The following SPIDR variants were observed in gnomAD, a reference collection of about 807,000 sequenced individuals.
SPIDR encodes DNA repair-scaffolding protein.
In SPIDR, 93 loss-of-function variants were observed where a neutral mutation model predicts 104.6. That is an observed-to-expected ratio of 0.89 (90% CI 0.75 to 1.06). The LOEUF (loss-of-function observed/expected upper bound fraction) is 1.06, where lower values mean the gene tolerates loss of function less well. Among genes scored for constraint, SPIDR ranks in the 50% least tolerant of loss-of-function variants. The probability of loss-of-function intolerance (pLI) is 0.00; values close to 1 mark genes in which losing one functional copy is unlikely to be tolerated. For synonymous variants in SPIDR, 431 were observed against 416.9 expected, an observed-to-expected ratio of 1.03 and a Z score of -0.41; for missense variants, 1,154 against 1,111.2, an observed-to-expected ratio of 1.04 and a Z score of -0.55.
intron 11 of SPIDR, among the ~76,000 whole-genome samples, chr8:47,696,913 A>T (rs1032889713): frequency 2.0e-5 from 3 of 152,184 alleles, no homozygotes; most frequent in African/African-American, 7.2e-5. Context: ...GAGCAAATGC[A>T]CATCACCTGC....
At chr8:47,427,306 GTT>G (rs781864418) in intron 7 of SPIDR, among the ~76,000 whole-genome samples, 2 of 142,758 alleles carry the variant, frequency 1.4e-5, no homozygotes. Context: ...TTGGGACAGG[GTT>G]TTTTTTTTTT....
At chr8:47,520,292 C>T (rs896631651) in intron 8 of SPIDR, among the ~76,000 whole-genome samples, 3 of 152,076 alleles carry the variant, frequency 2.0e-5, no homozygotes, top group South Asian at 4.2e-4. Context: ...ATCAGTTGAA[C>T]GTGTGTAAGC....
intron 8 of SPIDR, among the ~76,000 whole-genome samples, chr8:47,553,182 G>A (rs552377838): frequency 6.6e-6 from 1 of 152,186 alleles, no homozygotes; most frequent in East Asian, 1.9e-4. Context: ...TTTCTCTCTG[G>A]CTGCCCTTAA....
chr8:47,653,467 A>G (rs956638281), intron 10 of SPIDR, among the ~76,000 whole-genome samples: 5 of 152,104 alleles, frequency 3.3e-5, no homozygotes, highest in Admixed American at 3.3e-4. Flanking sequence ...TGAGCAGTAA[A>G]CTTTCTTAGT....
intron 9 of SPIDR, 80 bp downstream of exon 9, chr8:47,596,086 A>G: frequency 7.6e-7 from 1 of 1,323,486 alleles, no homozygotes; most frequent in Non-Finnish European, 1.0e-6. Flanking sequence ...GTGTAAGTGA[A>G]GATGTTAGCC....
intron 10 of SPIDR, among the ~76,000 whole-genome samples, chr8:47,655,268 T>C (rs1159996652): frequency 6.6e-6 from 1 of 152,224 alleles, no homozygotes; most frequent in Non-Finnish European, 1.5e-5. Context: ...GGTCAAATGG[T>C]ATCTCTAGTT....
rs140232191 is a variant in SPIDR, at chr8:47,359,674, A to AT, written c.526-36701dup. On this transcript the variant is annotated intron_variant, in intron 5 of 19. Coordinates refer to ENST00000297423, the MANE Select transcript of SPIDR (RefSeq NM_001080394.4). ...GCCCTATAGAGTTTGTGATTATTCT[A>AT]TAGCGGGTAGAGAGCATCCTGTCTC... Among the ~76,000 whole-genome samples, 173 of 152,296 alleles carry AT rather than the reference A, an allele frequency of 1.1e-3. 4 individuals carry two copies. In the East Asian group the frequency reaches 0.024, roughly 21 times the overall value.
At chr8:47,279,721 G>A in intron 1 of SPIDR, 141 bp from the exon 2 acceptor site, 1 of 783,712 alleles carries the variant, frequency 1.3e-6, no homozygotes, top group South Asian at 2.0e-5. Context: ...TTTATGTGAA[G>A]ATTTAGAGAC....
intron 14 of SPIDR, among the ~76,000 whole-genome samples, chr8:47,704,221 C>A (rs1389084559): frequency 6.6e-6 from 1 of 152,186 alleles, no homozygotes; most frequent in African/African-American, 2.4e-5. Flanking sequence ...TATAAACGAA[C>A]CACATTTAGC....
chr8:47,311,066 A>T (rs1304743343), intron 5 of SPIDR, among the ~76,000 whole-genome samples: 1 of 152,188 alleles, frequency 6.6e-6, no homozygotes, highest in Non-Finnish European at 1.5e-5. Flanking sequence ...AGGTTATATA[A>T]AGAAAATATG....
chr8:47,493,875 A>G (rs1382050780), intron 8 of SPIDR, among the ~76,000 whole-genome samples: 2 of 152,168 alleles, frequency 1.3e-5, no homozygotes, highest in African/African-American at 4.8e-5. Context: ...CCCCCATCCC[A>G]AGTTAACACA....
chr8:47,675,306 G>T (rs912843743), intron 11 of SPIDR, among the ~76,000 whole-genome samples: 2 of 152,190 alleles, frequency 1.3e-5, no homozygotes, highest in Non-Finnish European at 2.9e-5. Flanking sequence ...AAAGTGCTGG[G>T]ATTACAGGCG....
chr8:47,433,713 G>T (rs1261828975), intron 7 of SPIDR, among the ~76,000 whole-genome samples: 1 of 152,176 alleles, frequency 6.6e-6, no homozygotes, highest in African/African-American at 2.4e-5. Flanking sequence ...GTCAGATATT[G>T]AATTTTGTTT....
At chr8:47,518,638 C>CTT (rs899737372) in intron 8 of SPIDR, among the ~76,000 whole-genome samples, 4 of 141,318 alleles carry the variant, frequency 2.8e-5, no homozygotes, top group Non-Finnish European at 6.2e-5. Flanking sequence ...TCTTCTGCTA[C>CTT]TTTTTTTTTT....
At chr8:47,361,062 A>T (rs899571428) in intron 5 of SPIDR, 19 of 817,910 alleles carry the variant, frequency 2.3e-5, no homozygotes, top group Middle Eastern at 1.3e-3. Flanking sequence ...TGATAAATGG[A>T]TTACATGACC....
intron 10 of SPIDR, among the ~76,000 whole-genome samples, chr8:47,615,914 AT>A (rs1454429681): frequency 1.3e-5 from 2 of 151,638 alleles, no homozygotes; most frequent in African/African-American, 4.8e-5. Flanking sequence ...CCTTATTTAC[AT>A]TTCTATTTTA....
intron 8 of SPIDR, among the ~76,000 whole-genome samples, chr8:47,493,019 GA>G (rs1564131310): frequency 0.23 from 573 of 2,528 alleles, 4 homozygotes; most frequent in South Asian, 0.46. Context: ...AGCCATTGGA[GA>G]GAGAGAGAGA....
intron 8 of SPIDR, among the ~76,000 whole-genome samples, chr8:47,509,342 C>A (rs558785707): frequency 6.7e-6 from 1 of 148,898 alleles, no homozygotes; most frequent in Non-Finnish European, 1.5e-5. Context: ...AGTGTAGTTA[C>A]GAGGTGGGTA....
At chr8:47,285,628 C>G (rs1554562621) in intron 3 of SPIDR, among the ~76,000 whole-genome samples, 1 of 152,146 alleles carries the variant, frequency 6.6e-6, no homozygotes, top group Non-Finnish European at 1.5e-5. Flanking sequence ...CTCTCTCTTC[C>G]CCAGGTCTCT....
Sources: gnomAD v4.1 joint callset for allele counts (sites outside exome capture counted in the v4.1 genomes callset) on GRCh38, gnomAD v4.1.1 for gene constraint, MANE v1.5 for transcripts, NCBI Gene and HGNC (gene_info 2026-07-23, HGNC 2026-07-21) for gene names.